The following LCORL variants were observed in gnomAD, a reference collection of about 807,000 sequenced individuals.
LCORL encodes ligand dependent nuclear receptor corepressor like.
Under a neutral mutation model 141.8 loss-of-function variants are expected in LCORL, and 41 were observed. The observed-to-expected ratio is 0.29, with a 90% CI of 0.23 to 0.38. The LOEUF is 0.38. LCORL is among the 10% of genes least tolerant of loss of function. The pLI is 1.00. For missense variants in LCORL, 1,759 were observed against 2,035.0 expected, an observed-to-expected ratio of 0.86 and a Z score of 2.61; for synonymous variants, 618 against 694.1, an observed-to-expected ratio of 0.89 and a Z score of 1.72.
At chr4:18,018,544 T>C (rs542273497) in intron 1 of LCORL, among the ~76,000 whole-genome samples, 20 of 152,242 alleles carry the variant, frequency 1.3e-4, no homozygotes, top group African/African-American at 4.8e-4. Context: ...AAGGTAAATA[T>C]CTCATTCCAT....
chr4:17,968,223 G>A (rs946964740), intron 2 of LCORL, among the ~76,000 whole-genome samples: 1 of 152,030 alleles, frequency 6.6e-6, no homozygotes, highest in Admixed American at 6.6e-5. Flanking sequence ...AAAAGTAATG[G>A]CAAAAATCAC....
chr4:17,917,461 G>A (rs888430050), intron 4 of LCORL, among the ~76,000 whole-genome samples: 1 of 152,224 alleles, frequency 6.6e-6, no homozygotes, highest in Non-Finnish European at 1.5e-5. Context: ...CCAAAGTGCT[G>A]GGATTACAGG....
intron 1 of LCORL, among the ~76,000 whole-genome samples, chr4:18,020,098 A>T (rs1455999661): frequency 6.6e-6 from 1 of 150,876 alleles, no homozygotes; most frequent in Non-Finnish European, 1.5e-5. Context: ...ACATCACTTA[A>T]ATGCCCCCTA....
intron 7 of LCORL, among the ~76,000 whole-genome samples, chr4:17,847,483 G>C (rs1038336167): frequency 1.3e-5 from 2 of 152,098 alleles, no homozygotes; most frequent in African/African-American, 4.8e-5. Flanking sequence ...CAGTCCCACA[G>C]AATACAGTTT....
At chr4:17,861,271 G>T (rs928327495) in intron 7 of LCORL, among the ~76,000 whole-genome samples, 4 of 152,216 alleles carry the variant, frequency 2.6e-5, no homozygotes, top group Non-Finnish European at 5.9e-5. Flanking sequence ...CTAGGCAGAG[G>T]TTCCCAATCC....
At chr4:17,923,227 T>C (rs1734577745) in intron 4 of LCORL, among the ~76,000 whole-genome samples, 1 of 152,184 alleles carries the variant, frequency 6.6e-6, no homozygotes, top group Non-Finnish European at 1.5e-5. Context: ...AAACATAAAG[T>C]TGGATCAGGC....
intron 1 of LCORL, among the ~76,000 whole-genome samples, chr4:17,997,774 ATTGT>A (rs1384740620): frequency 7.2e-6 from 1 of 137,970 alleles, no homozygotes; most frequent in East Asian, 2.0e-4. Context: ...TACTACCATT[ATTGT>A]TTGTTTGTTA....
intron 7 of LCORL, among the ~76,000 whole-genome samples, chr4:17,862,195 G>A (rs1215922629): frequency 6.6e-6 from 1 of 152,114 alleles, no homozygotes; most frequent in Non-Finnish European, 1.5e-5. Context: ...AATTTACAAA[G>A]GAAAGAAGCT....
chr4:17,851,205 C>T (rs1723653947), intron 7 of LCORL, among the ~76,000 whole-genome samples: 1 of 151,080 alleles, frequency 6.6e-6, no homozygotes, highest in South Asian at 2.1e-4. Context: ...GTGCAGCACA[C>T]CAGCATGGCA....
intron 4 of LCORL, among the ~76,000 whole-genome samples, chr4:17,939,378 G>A (rs1737442311): frequency 6.6e-6 from 1 of 152,044 alleles, no homozygotes; most frequent in Non-Finnish European, 1.5e-5. Context: ...GATATAAATA[G>A]CTTTCATATT....
chr4:17,915,143 T>C (rs1228805000), intron 4 of LCORL, among the ~76,000 whole-genome samples: 1 of 152,140 alleles, frequency 6.6e-6, no homozygotes, highest in Non-Finnish European at 1.5e-5. Flanking sequence ...CCTTCATTTG[T>C]CTATCCCTTC....
rs143624524 is a variant in LCORL at position 17,890,407 on chromosome 4, G to T, written c.683-4246C>A. Among the ~76,000 whole-genome samples, 391 of 152,050 alleles carry T rather than the reference G, an allele frequency of 2.6e-3. 7 individuals are homozygous for T. Among genetic ancestry groups the T allele is most frequent in the Admixed American group, 0.024 (371 of 15,268 alleles). On this transcript the variant is annotated intron_variant, in intron 5 of 7. Transcript: ENST00000635767. ...GTGGTATCATTGGTTGCTTCCAAGG[G>T]TAAACAAAAAGATCTAAAAGGATCT...
At chr4:17,956,147 A>G (rs1192674786) in intron 4 of LCORL, among the ~76,000 whole-genome samples, 1 of 152,178 alleles carries the variant, frequency 6.6e-6, no homozygotes, top group Admixed American at 6.5e-5. Flanking sequence ...TATTATAAAA[A>G]AGACAAATAA....
At chr4:17,976,534 T>C (rs1232544757) in intron 1 of LCORL, among the ~76,000 whole-genome samples, 2 of 152,146 alleles carry the variant, frequency 1.3e-5, no homozygotes, top group African/African-American at 4.8e-5. Flanking sequence ...AATCAATACA[T>C]AGAATGTAAT....
rs572840958 is a variant in LCORL at position 17,855,140 on chromosome 4, A to G, written c.5603-9239T>C. ...ATAGAATGGAAATGAAGGAAATTAT[A>G]GTCGGATTAAGGGCAGAGAACCAAC... On this transcript the variant is annotated intron_variant, in intron 7 of 7. Transcript: ENST00000635767. Among the ~76,000 whole-genome samples the G allele has an allele frequency of 2.0e-5, 3 of 152,306 alleles. No individual in the cohort carries two copies. In the East Asian group the frequency reaches 5.8e-4, roughly 29 times the overall value.
At chr4:17,912,522 A>G (rs1358840443) in intron 4 of LCORL, 3 of 486,986 alleles carry the variant, frequency 6.2e-6, no homozygotes, top group Non-Finnish European at 1.2e-5. Flanking sequence ...CAGCAGATTG[A>G]GGAGAGCACC....
intron 4 of LCORL, among the ~76,000 whole-genome samples, chr4:17,922,798 G>C (rs1323336729): frequency 6.6e-6 from 1 of 152,162 alleles, no homozygotes; most frequent in East Asian, 1.9e-4. Flanking sequence ...ATGAGGCTGG[G>C]AACACTGAGC....
chr4:17,894,890 T>C (rs1371731613), intron 5 of LCORL, among the ~76,000 whole-genome samples: 2 of 152,176 alleles, frequency 1.3e-5, no homozygotes, highest in East Asian at 1.9e-4. Flanking sequence ...AAGTGACATA[T>C]CACGAGGTAC....
intron 5 of LCORL, among the ~76,000 whole-genome samples, chr4:17,897,030 T>A (rs561252245): frequency 5.8e-4 from 89 of 152,150 alleles, no homozygotes; most frequent in Non-Finnish European, 9.6e-4. Context: ...CCATCCATCT[T>A]GTTGCAAATG....
Sources: allele counts gnomAD v4.1 joint callset (sites outside exome capture counted in the v4.1 genomes callset), GRCh38; gene constraint gnomAD v4.1.1; transcripts MANE v1.5; gene names NCBI Gene and HGNC (gene_info 2026-07-23, HGNC 2026-07-21).